THSD7B: variants seen among roughly 807,000 people sequenced by gnomAD.
THSD7B encodes thrombospondin type-1 domain-containing protein 7B.
Under a neutral mutation model 213.6 loss-of-function variants are expected in THSD7B, and 138 were observed. That is an observed-to-expected ratio of 0.65 (90% CI 0.56 to 0.74). The LOEUF is 0.74. Among genes scored for constraint, THSD7B ranks in the 30% least tolerant of loss-of-function variants. THSD7B has a pLI of 0.00. For synonymous variants in THSD7B, 742 were observed against 687.0 expected (o/e 1.08, Z -1.25); for missense variants, 1,931 against 1,991.5 (o/e 0.97, Z 0.58).
At chr2:137,152,161 C>T (rs1679831891) in intron 5 of THSD7B, among the ~76,000 whole-genome samples, 1 of 152,046 alleles carries the variant, frequency 6.6e-6, no homozygotes, top group Non-Finnish European at 1.5e-5. Context: ...CATCCCCTCT[C>T]TCAAGCCTTT....
intron 12 of THSD7B, among the ~76,000 whole-genome samples, chr2:137,316,904 G>A (rs1684124713): frequency 6.6e-6 from 1 of 152,096 alleles, no homozygotes; most frequent in Non-Finnish European, 1.5e-5. Context: ...TTGCATAAAT[G>A]TATTACTCCC....
chr2:137,011,071 T>G lies in THSD7B; in HGVS notation c.140-45349T>G, dbSNP rs144047465. Among the ~76,000 whole-genome samples the G allele has an allele frequency of 2.6e-3, 397 of 152,316 alleles. 4 individuals are homozygous for G. Among genetic ancestry groups the G allele is most frequent in the African/African-American group, 9.1e-3 (379 of 41,578 alleles). On this transcript the variant is annotated intron_variant, in intron 2 of 27. Coordinates refer to ENST00000409968, the MANE Select transcript of THSD7B (RefSeq NM_001316349.2). ...CTTTGATTTATCTTCCTAATAGTGA[T>G]TCTGAACTATTTACATTCTCTGACC...
chr2:137,045,924 G>A (rs976288478), intron 2 of THSD7B, among the ~76,000 whole-genome samples: 5 of 152,080 alleles, frequency 3.3e-5, no homozygotes, highest in African/African-American at 1.2e-4. Flanking sequence ...ATTCTGTTGG[G>A]CACCATTATT....
intron 2 of THSD7B, among the ~76,000 whole-genome samples, chr2:136,963,360 A>G (rs1194761953): frequency 6.6e-6 from 1 of 152,180 alleles, no homozygotes; most frequent in Non-Finnish European, 1.5e-5. Context: ...GGGAAATTAA[A>G]AGGAAAGAAC....
intron 7 of THSD7B, among the ~76,000 whole-genome samples, chr2:137,198,677 G>T (rs1164751866): frequency 6.6e-6 from 1 of 152,072 alleles, no homozygotes; most frequent in Non-Finnish European, 1.5e-5. Flanking sequence ...GGAGCTTTAG[G>T]TGTATAAATG....
At position 137,466,871 on chromosome 2, in the gene THSD7B, G is replaced by C. The variant is rs564602515; in HGVS notation, c.3138+15848G>C. On this transcript the variant is annotated intron_variant, in intron 15 of 27. Coordinates refer to ENST00000409968, the MANE Select transcript of THSD7B (RefSeq NM_001316349.2). Reference sequence around the variant, plus strand: ...AAAGACAGAGCTTCTTTTCATCTCTGTCTGTTTTGTCATCTTCAGTGTTGG... The same window carrying C: ...AAAGACAGAGCTTCTTTTCATCTCTCTCTGTTTTGTCATCTTCAGTGTTGG... Among the ~76,000 whole-genome samples the C allele has an allele frequency of 6.4e-4, 98 of 152,202 alleles. 1 individual carries two copies. Among genetic ancestry groups the C allele is most frequent in the African/African-American group, 2.3e-3 (95 of 41,542 alleles).
At chr2:136,858,823 A>G (rs969082421) in intron 1 of THSD7B, among the ~76,000 whole-genome samples, 1 of 152,190 alleles carries the variant, frequency 6.6e-6, no homozygotes, top group African/African-American at 2.4e-5. Flanking sequence ...ATATCTTCCC[A>G]TGGTGCGCCC....
chr2:136,808,086 G>T (rs1682316263), intron 1 of THSD7B, among the ~76,000 whole-genome samples: 1 of 152,080 alleles, frequency 6.6e-6, no homozygotes, highest in Non-Finnish European at 1.5e-5. Flanking sequence ...CCTTTGCTTT[G>T]CTGCCATCTC....
chr2:137,010,433 A>G (rs963467000), intron 2 of THSD7B, among the ~76,000 whole-genome samples: 7 of 152,202 alleles, frequency 4.6e-5, no homozygotes, highest in African/African-American at 1.4e-4. Flanking sequence ...AAATAACAGT[A>G]ATGTCTACCT....
At chr2:136,901,514 A>G (rs1276665085) in intron 2 of THSD7B, among the ~76,000 whole-genome samples, 2 of 152,224 alleles carry the variant, frequency 1.3e-5, no homozygotes, top group Admixed American at 6.5e-5. Context: ...TCACTAAAGG[A>G]TGCTAATGAG....
chr2:137,215,780 T>C (rs1017252501), intron 7 of THSD7B, among the ~76,000 whole-genome samples: 2 of 152,220 alleles, frequency 1.3e-5, no homozygotes, highest in Non-Finnish European at 2.9e-5. Context: ...TAAGTGGAAA[T>C]GTTTTTTCCA....
At chr2:136,771,368 A>G (rs1681501536) in intron 1 of THSD7B, among the ~76,000 whole-genome samples, 2 of 152,194 alleles carry the variant, frequency 1.3e-5, no homozygotes, top group Non-Finnish European at 1.5e-5. Context: ...GCACTGCTAG[A>G]TGGTCCCTGA....
At chr2:137,030,432 A>T (rs2104851636) in intron 2 of THSD7B, among the ~76,000 whole-genome samples, 1 of 152,272 alleles carries the variant, frequency 6.6e-6, no homozygotes, top group East Asian at 1.9e-4. Flanking sequence ...TGTGTCAGAA[A>T]GTTTTGAGTG....
At chr2:137,279,738 T>C (rs1188249263) in intron 12 of THSD7B, among the ~76,000 whole-genome samples, 1 of 152,136 alleles carries the variant, frequency 6.6e-6, no homozygotes, top group African/African-American at 2.4e-5. Context: ...TTTAAACACA[T>C]AGGGTCTTGT....
intron 1 of THSD7B, among the ~76,000 whole-genome samples, chr2:136,808,391 A>G (rs1251113884): frequency 6.6e-6 from 1 of 152,124 alleles, no homozygotes; most frequent in African/African-American, 2.4e-5. Flanking sequence ...TTCCTGTTGC[A>G]CTTATTAATA....
intron 15 of THSD7B, among the ~76,000 whole-genome samples, chr2:137,520,768 C>A (rs1454717018): frequency 1.3e-5 from 2 of 152,200 alleles, no homozygotes; most frequent in East Asian, 1.9e-4. Context: ...ATAAACATGG[C>A]AACATTCAAC....
intron 21 of THSD7B, among the ~76,000 whole-genome samples, chr2:137,646,312 C>A (rs1172236985): frequency 2.6e-5 from 4 of 151,970 alleles, no homozygotes; most frequent in African/African-American, 9.7e-5. Context: ...TTTGAGGACA[C>A]CCAGAAGTCA....
At position 137,135,660 on chromosome 2, in the gene THSD7B, C is replaced by T. The variant is rs185895663; in HGVS notation, c.1369+20367C>T. On this transcript the variant is annotated intron_variant, in intron 5 of 27. Coordinates refer to ENST00000409968, the MANE Select transcript of THSD7B (RefSeq NM_001316349.2). ...AATCTTAGAATACCTGAAGGAAACCCTGGGAAGAGCAGAACCACCAATGGT... is the reference window on the plus strand; with the variant it reads ...AATCTTAGAATACCTGAAGGAAACCTTGGGAAGAGCAGAACCACCAATGGT... 5.3e-5 allele frequency among the ~76,000 whole-genome samples: 8 copies of T among 152,240 alleles called. No homozygotes were observed. In the East Asian group the frequency reaches 1.5e-3, roughly 29 times the overall value.
At chr2:137,017,383 T>C (rs748057815) in intron 2 of THSD7B, among the ~76,000 whole-genome samples, 9 of 151,808 alleles carry the variant, frequency 5.9e-5, no homozygotes, top group Non-Finnish European at 1.2e-4. Context: ...AAGAGACATG[T>C]ACCATTTGTG....
Sources: allele counts gnomAD v4.1 joint callset (sites outside exome capture counted in the v4.1 genomes callset), GRCh38; gene constraint gnomAD v4.1.1; transcripts MANE v1.5; gene names NCBI Gene and HGNC (gene_info 2026-07-23, HGNC 2026-07-21).